Variants in PARVG observed in about 807,000 individuals in gnomAD.
PARVG encodes the protein parvin gamma.
In PARVG, 36 loss-of-function variants were observed where a neutral mutation model predicts 44.4. That is an observed-to-expected ratio of 0.81 (90% CI 0.62 to 1.07). The LOEUF (loss-of-function observed/expected upper bound fraction) is 1.07, where lower values mean the gene tolerates loss of function less well. PARVG is among the 50% of genes least tolerant of loss of function. The pLI, the probability that PARVG is intolerant of heterozygous loss-of-function variation, is 0.00. For synonymous variants in PARVG, 170 were observed against 174.1 expected, an observed-to-expected ratio of 0.98 and a Z score of 0.19; for missense variants, 407 against 407.4, an observed-to-expected ratio of 1.00 and a Z score of 0.01.
chr22:44,183,154 C>G, intron 2 of PARVG, 164 bp from the exon 3 acceptor site: 1 of 593,166 alleles, frequency 1.7e-6, no homozygotes. Context: ...CTCAAGGGCT[C>G]TTTCTCACAG....
At chr22:44,189,410 C>A (rs1229864890) in intron 6 of PARVG, among the ~76,000 whole-genome samples, 156 bp downstream of exon 6, 1 of 152,226 alleles carries the variant, frequency 6.6e-6, no homozygotes, top group African/African-American at 2.4e-5. Flanking sequence ...CAGGCAGCCA[C>A]AGTCAGGCAT....
chr22:44,192,376 G>T (rs1449990857), intron 8 of PARVG, among the ~76,000 whole-genome samples: 2 of 152,210 alleles, frequency 1.3e-5, no homozygotes, highest in Non-Finnish European at 2.9e-5. Context: ...GGGGTACAGG[G>T]CCCAGTGAAT....
At chr22:44,196,271 C>G in intron 10 of PARVG, 58 bp downstream of exon 10, 1 of 1,613,552 alleles carries the variant, frequency 6.2e-7, no homozygotes, top group Non-Finnish European at 8.5e-7. Flanking sequence ...CCACTGCCCA[C>G]CTGCGCTGTA....
chr22:44,183,232 G>T, intron 2 of PARVG, 86 bp from the exon 3 acceptor site: 1 of 1,265,522 alleles, frequency 7.9e-7, no homozygotes, highest in Non-Finnish European at 1.1e-6. Context: ...CCCTCCTTCT[G>T]TGCCTCCAGG....
At chr22:44,178,426 T>G (rs2054338612), upstream of PARVG, among the ~76,000 whole-genome samples, 1 of 152,198 alleles carries the variant, frequency 6.6e-6, no homozygotes. Context: ...AGATCAGAGC[T>G]TGCAGAGATT....
chr22:44,181,887 G>T lies in PARVG; in HGVS notation c.-43G>T. 2.0e-6 allele frequency: 2 copies of T among 985,520 alleles called. No homozygotes were observed. The highest frequency in any genetic ancestry group is 2.4e-6 in the Non-Finnish European group (2 of 830,018). The allele number at this position is 985,520 out of a possible 1,614,324, so 61.0% of individuals were successfully genotyped here. ...AGGGACCACCCTTTGCACTCAGTAG[G>T]CCTTTGTTTTCCTGCGTGGAAAGCG... On this transcript the variant is annotated 5_prime_UTR_variant, in exon 2 of 14. Transcript: ENST00000444313.
Position 44,196,364 on chromosome 22 carries a change from C to A in PARVG, c.660C>A (p.Val220=). The change falls in exon 11 of 14, where the codon GTC becomes GTA. Residue 220 remains valine (V), a synonymous_variant. Coordinates refer to ENST00000444313, the MANE Select transcript of PARVG (RefSeq NM_022141.7). ...CTGGTTAGGCCATCGTGAACTTTGT[C>A]AACCAGAAGCTGGACCGCCTGGGCC... ...NAVKEAIVNF[V]NQKLDRLGLS... 1 of 1,614,208 alleles carries A rather than the reference C, an allele frequency of 6.2e-7. No homozygotes were observed. Among genetic ancestry groups the A allele is most frequent in the South Asian group, 1.1e-5 (1 of 91,074 alleles).
At chr22:44,190,517 C>T in intron 6 of PARVG, 34 bp from the exon 7 acceptor site, 1 of 1,569,218 alleles carries the variant, frequency 6.4e-7, no homozygotes, top group Non-Finnish European at 8.8e-7. Context: ...TTGGCGGCCT[C>T]CTGGGCTCTG....
chr22:44,202,956 G>A (rs1474937287), intron 12 of PARVG, among the ~76,000 whole-genome samples: 1 of 152,192 alleles, frequency 6.6e-6, no homozygotes, highest in Non-Finnish European at 1.5e-5. Flanking sequence ...ATCCTCCCGG[G>A]TTGTAACCTT....
intron 8 of PARVG, among the ~76,000 whole-genome samples, chr22:44,193,090 G>A (rs990371590): frequency 2.6e-5 from 4 of 152,178 alleles, no homozygotes; most frequent in Admixed American, 1.3e-4. Context: ...CCAGGTCTCT[G>A]TCACAGGCTG....
At chr22:44,193,444 G>A (rs1281755332) in intron 8 of PARVG, among the ~76,000 whole-genome samples, 1 of 152,056 alleles carries the variant, frequency 6.6e-6, no homozygotes, top group African/African-American at 2.4e-5. Context: ...TGTAAGTGGG[G>A]GTGATCACAC....
chr22:44,192,601 C>T (rs1440389135), intron 8 of PARVG, among the ~76,000 whole-genome samples: 1 of 150,620 alleles, frequency 6.6e-6, no homozygotes, highest in African/African-American at 2.5e-5. Flanking sequence ...CATGGCCATC[C>T]TGTTCCCTGC....
chr22:44,179,738 G>T (rs1019616351), upstream of PARVG, among the ~76,000 whole-genome samples: 3 of 145,292 alleles, frequency 2.1e-5, no homozygotes, highest in African/African-American at 7.7e-5. This position sits in a 1 kb window ranked among gnomAD's most constrained non-coding sequence, Gnocchi z 4.2. Flanking sequence ...ATTGTTTCTG[G>T]TAACAAATCC....
intron 11 of PARVG, 100 bp downstream of exon 11, chr22:44,196,515 G>C: frequency 7.1e-7 from 1 of 1,408,852 alleles, no homozygotes; most frequent in Non-Finnish European, 9.9e-7. Flanking sequence ...TGTGGTGGGG[G>C]TTGCATCACC....
At chr22:44,203,899 C>A (rs187338456) in intron 12 of PARVG, among the ~76,000 whole-genome samples, 2 of 152,320 alleles carry the variant, frequency 1.3e-5, no homozygotes, top group Admixed American at 6.5e-5. Flanking sequence ...GGATGGAGTG[C>A]AGTGGTGCAA....
At chr22:44,173,466 G>A (rs139105) in intron 1 of PARVG, among the ~76,000 whole-genome samples, 18,359 of 152,056 alleles carry the variant, frequency 0.12, 1,384 homozygotes, top group South Asian at 0.27. Flanking sequence ...CAGGTGCGTC[G>A]AATTTTACGA....
At chr22:44,198,857 CCTAT>C in intron 12 of PARVG, 135 bp downstream of exon 12, 1 of 612,580 alleles carries the variant, frequency 1.6e-6, no homozygotes, top group Non-Finnish European at 2.9e-6. Flanking sequence ...TATATGTCTG[CCTAT>C]CCATCCATCC....
intron 12 of PARVG, among the ~76,000 whole-genome samples, chr22:44,201,670 C>T (rs1371932710): frequency 2.6e-5 from 4 of 152,216 alleles, no homozygotes; most frequent in South Asian, 2.1e-4. Flanking sequence ...ACAAACCACC[C>T]GAAAACCTAG....
At chr22:44,185,949 CA>C in intron 4 of PARVG, 77 bp downstream of exon 4, 1 of 1,436,968 alleles carries the variant, frequency 7.0e-7, no homozygotes, top group Non-Finnish European at 9.6e-7. Context: ...GGGGCGGGGA[CA>C]GCAGGCTGTC....
Sources: gnomAD v4.1 joint callset for allele counts (sites outside exome capture counted in the v4.1 genomes callset) on GRCh38, gnomAD v4.1.1 for gene constraint, Gnocchi (gnomAD v3.1) non-coding constraint, MANE v1.5 for transcripts, NCBI Gene and HGNC (gene_info 2026-07-23, HGNC 2026-07-21) for gene names.